The following PPM1G variants were observed in gnomAD, a reference collection of about 807,000 sequenced individuals.
PPM1G encodes protein phosphatase 1G.
A neutral mutation model predicts 59.4 loss-of-function variants in PPM1G; 12 were observed. The ratio of observed to expected loss-of-function variants is 0.20; its 90% CI spans 0.13 to 0.33. The LOEUF is 0.33. Among genes scored for constraint, PPM1G ranks in the 10% least tolerant of loss-of-function variants. The pLI, the probability that PPM1G is intolerant of heterozygous loss-of-function variation, is 1.00. For synonymous variants in PPM1G, 245 were observed against 251.9 expected (o/e 0.97, Z 0.26); for missense variants, 392 against 681.3 (o/e 0.58, Z 4.73).
intron 1 of PPM1G, among the ~76,000 whole-genome samples, chr2:27,390,022 G>A (rs1683859958): frequency 7.2e-6 from 1 of 138,018 alleles, no homozygotes; most frequent in South Asian, 2.3e-4. Flanking sequence ...CTTCATTTCA[G>A]CATCTTGTTT....
intron 1 of PPM1G, among the ~76,000 whole-genome samples, chr2:27,396,819 C>CAAAAAAAAAAAAAAA (rs771980529): frequency 8.0e-6 from 1 of 125,366 alleles, no homozygotes; most frequent in African/African-American, 3.1e-5. Flanking sequence ...CCGTCTCCAA[C>CAAAAAAAAAAAAAAA]AAAAAAAAAA....
chr2:27,398,044 T>C (rs184120424), intron 1 of PPM1G, among the ~76,000 whole-genome samples: 19 of 152,306 alleles, frequency 1.2e-4, no homozygotes, highest in Non-Finnish European at 2.5e-4. Context: ...GTGCCTTTTG[T>C]GCAGAAATTG....
rs2148420987 is a variant in PPM1G, at chr2:27,390,105, T to C, written c.121-2947A>G. On this transcript the variant is annotated intron_variant, in intron 1 of 9. Transcript: ENST00000344034. Reference sequence around the variant, plus strand: ...GATCTAGGCTCACCATATCCTCCACTTTCCAGGTTCAAGCAATTCTCCTGC... The same window carrying C: ...GATCTAGGCTCACCATATCCTCCACCTTCCAGGTTCAAGCAATTCTCCTGC... Among the ~76,000 whole-genome samples, 3 of 151,990 alleles carry C rather than the reference T, an allele frequency of 2.0e-5. No individual in the cohort carries two copies. In the Middle Eastern group the frequency reaches 0.01, roughly 517 times the overall value.
At chr2:27,399,582 G>A (rs576140228) in intron 1 of PPM1G, among the ~76,000 whole-genome samples, 1 of 152,314 alleles carries the variant, frequency 6.6e-6, no homozygotes, top group East Asian at 1.9e-4. Flanking sequence ...GCTGAGGCAG[G>A]AGAATCGCTT....
chr2:27,403,712 C>A (rs1469041774), intron 1 of PPM1G, among the ~76,000 whole-genome samples: 1 of 151,944 alleles, frequency 6.6e-6, no homozygotes, highest in East Asian at 1.9e-4. Flanking sequence ...CACAGAGAAA[C>A]CCCATCTCTA....
chr2:27,393,425 T>TCCA, intron 1 of PPM1G: 1 of 1,116,392 alleles, frequency 9.0e-7, no homozygotes, highest in Non-Finnish European at 1.3e-6. Context: ...GCGCTGGAGC[T>TCCA]GCGGCGGGGG....
rs1572660593 is a variant in PPM1G, at chr2:27,385,417, A to G, written c.410-329T>C. On this transcript the variant is annotated intron_variant, in intron 4 of 9. Coordinates refer to ENST00000344034, the MANE Select transcript of PPM1G (RefSeq NM_177983.3). The surrounding 1 kb of genome is among the most constrained non-coding windows in gnomAD (Gnocchi z 4.1). Reference sequence around the variant, plus strand: ...ACAATGCTACTGTGAATTAGGATTTAGGCTTAATGATTGGCTATTGGGGCT... The same window carrying G: ...ACAATGCTACTGTGAATTAGGATTTGGGCTTAATGATTGGCTATTGGGGCT... 42 of 422,018 alleles carry G rather than the reference A, an allele frequency of 1.0e-4. No individual in the cohort carries two copies. In the East Asian group the frequency reaches 1.7e-3, roughly 17 times the overall value. 26.1% of individuals were successfully genotyped at this position (422,018 alleles called of 1,614,324 possible). A position where few individuals can be genotyped will look rare whatever the true frequency, so the allele number is the denominator to read the frequency against.
rs1370630752 is a variant in PPM1G at position 27,409,533 on chromosome 2, G to A, written c.-111C>T. ...GAGCAGGCCCCGCGGCGCGACCGAC[G>A]CAAGGTGCCGGTGAAAGGCGCGAGG... On this transcript the variant is annotated 5_prime_UTR_variant, in exon 1 of 10. Transcript: ENST00000344034. The A allele has an allele frequency of 3.1e-6, 4 of 1,292,722 alleles. No individual in the cohort carries two copies. Among genetic ancestry groups the A allele is most frequent in the African/African-American group, 3.1e-5 (2 of 63,670 alleles). The allele number at this position is 1,292,722 out of a possible 1,614,324, so 80.1% of individuals were successfully genotyped here.
chr2:27,381,934 C>T lies in PPM1G; in HGVS notation c.1435-129G>A, dbSNP rs112234749. 1,083 of 1,025,776 alleles carry T rather than the reference C, an allele frequency of 1.1e-3. 11 individuals are homozygous for T. In the African/African-American group the frequency reaches 0.014, roughly 14 times the overall value. 63.5% of individuals were successfully genotyped at this position (1,025,776 alleles called of 1,614,324 possible). ...GGAATGGGCAAGAGGTATCACACAACGGCCCACCTGCTAGTCCATAAGGCA... is the reference window on the plus strand; with the variant it reads ...GGAATGGGCAAGAGGTATCACACAATGGCCCACCTGCTAGTCCATAAGGCA... On this transcript the variant is annotated intron_variant, in intron 9 of 9. Coordinates refer to ENST00000344034, the MANE Select transcript of PPM1G (RefSeq NM_177983.3).
In PPM1G at chr2:27,385,900, C is replaced by CT. The variant is rs776211533; in HGVS notation, c.277-22dup. On this transcript the variant is annotated intron_variant, in intron 3 of 9. Transcript: ENST00000344034. The surrounding 1 kb of genome is among the most constrained non-coding windows in gnomAD (Gnocchi z 4.1). ...AAAGCCTGAATATAAGCAAAATAGT[C>CT]TAAGACTAGTACAAAATGAACTCCC... 1.4e-4 allele frequency: 218 copies of CT among 1,605,938 alleles called. No homozygotes were observed. The highest frequency in any genetic ancestry group is 1.8e-4 in the Non-Finnish European group (209 of 1,177,880).
chr2:27,381,509 ACTG>A lies in PPM1G; in HGVS notation c.*87_*89del. On this transcript the variant is annotated 3_prime_UTR_variant, in exon 10 of 10. Transcript: ENST00000344034. ...AGCTCCCCCTGCACACCTCATACCC[ACTG>A]CTAAGGCTAAAGGAAAAAGACAAAA... The A allele has an allele frequency of 6.7e-7, 1 of 1,488,132 alleles. No individual in the cohort carries two copies. Among genetic ancestry groups the A allele is most frequent in the South Asian group, 1.2e-5 (1 of 86,010 alleles). 92.2% of individuals were successfully genotyped at this position (1,488,132 alleles called of 1,614,324 possible). A position where few individuals can be genotyped will look rare whatever the true frequency, so the allele number is the denominator to read the frequency against.
At position 27,382,768 on chromosome 2, in the gene PPM1G, C is replaced by T. The variant is rs944827835; in HGVS notation, c.1202-163G>A. ...CCTAGTTTTTCTAGTTTCAACCCTG[C>T]CACCAGACTGCTGAACCTTAAGAAA... On this transcript the variant is annotated intron_variant, in intron 7 of 9. Transcript: ENST00000344034. The surrounding 1 kb of genome is among the most constrained non-coding windows in gnomAD (Gnocchi z 4.2). Among the ~76,000 whole-genome samples the T allele has an allele frequency of 6.6e-6, 1 of 152,078 alleles. No homozygotes were observed. Among genetic ancestry groups the T allele is most frequent in the Non-Finnish European group, 1.5e-5 (1 of 68,008 alleles).
At chr2:27,393,417 G>A (rs970740642) in intron 1 of PPM1G, 26 of 1,198,154 alleles carry the variant, frequency 2.2e-5, no homozygotes, top group Admixed American at 1.5e-4. Flanking sequence ...GCTACGCGGC[G>A]CTGGAGCTGC....
Position 27,399,790 on chromosome 2 carries a change from G to A in PPM1G, c.120+9513C>T, listed in dbSNP as rs11897225. 4.1e-3 allele frequency among the ~76,000 whole-genome samples: 628 copies of A among 152,256 alleles called. 3 individuals carry two copies. Among genetic ancestry groups the A allele is most frequent in the African/African-American group, 0.011 (451 of 41,550 alleles). On this transcript the variant is annotated intron_variant, in intron 1 of 9. Coordinates refer to ENST00000344034, the MANE Select transcript of PPM1G (RefSeq NM_177983.3). ...TCATATATTGCTGGCAGGAATGTACGACGGTACAGCAACTTTGGAAAACAG... is the reference window on the plus strand; with the variant it reads ...TCATATATTGCTGGCAGGAATGTACAACGGTACAGCAACTTTGGAAAACAG...
At position 27,381,470 on chromosome 2, in the gene PPM1G, G is replaced by A; in HGVS notation, c.*129C>T. On this transcript the variant is annotated 3_prime_UTR_variant, in exon 10 of 10. Transcript: ENST00000344034. ...GGGAGAGCCCTCTTTGGAATGGGCG[G>A]AGTGAAGCCACCCAGCTCCCCCTGC... The A allele has an allele frequency of 9.6e-7, 1 of 1,040,202 alleles. No individual in the cohort carries two copies. Among genetic ancestry groups the A allele is most frequent in the Non-Finnish European group, 1.4e-6 (1 of 690,926 alleles). The allele number at this position is 1,040,202 out of a possible 1,614,324, so 64.4% of individuals were successfully genotyped here. A position where few individuals can be genotyped will look rare whatever the true frequency, so the allele number is the denominator to read the frequency against.
intron 1 of PPM1G, among the ~76,000 whole-genome samples, chr2:27,404,516 C>T (rs1663294284): frequency 1.3e-5 from 2 of 151,740 alleles, no homozygotes; most frequent in Non-Finnish European, 2.9e-5. Context: ...AGCCACTACA[C>T]TCCAGCCCGG....
chr2:27,395,234 A>C, intron 1 of PPM1G, among the ~76,000 whole-genome samples: 1 of 134,156 alleles, frequency 7.5e-6, no homozygotes, highest in Non-Finnish European at 1.6e-5. Flanking sequence ...ACTCTGTCTC[A>C]AAAAAAAAAA....
Position 27,385,896 on chromosome 2 carries a change from T to C in PPM1G, c.277-17A>G, listed in dbSNP as rs1683752485. 1 of 1,608,888 alleles carries C rather than the reference T, an allele frequency of 6.2e-7. No homozygotes were observed. Among genetic ancestry groups the C allele is most frequent in the Non-Finnish European group, 8.5e-7 (1 of 1,178,648 alleles). The stretch of plus-strand genomic sequence containing the variant: ...TTCTAAAGCCTGAATATAAGCAAAA[T>C]AGTCTAAGACTAGTACAAAATGAAC... On this transcript the variant is annotated splice_polypyrimidine_tract_variant and intron_variant, in intron 3 of 9. Coordinates refer to ENST00000344034, the MANE Select transcript of PPM1G (RefSeq NM_177983.3). The surrounding 1 kb of genome is among the most constrained non-coding windows in gnomAD (Gnocchi z 4.1).
Position 27,381,441 on chromosome 2 carries a change from TG to T in PPM1G, c.*157del. 1.3e-6 allele frequency: 1 copy of T among 751,474 alleles called. No homozygotes were observed. The highest frequency in any genetic ancestry group is 2.2e-6 in the Non-Finnish European group (1 of 452,476). 46.6% of individuals were successfully genotyped at this position (751,474 alleles called of 1,614,324 possible). ...ACAGCAGAGGCTCCCGGCTGCAGTG[TG>T]GAGGGAGAGCCCTCTTTGGAATGGG... On this transcript the variant is annotated 3_prime_UTR_variant, in exon 10 of 10. Transcript: ENST00000344034.
Sources: allele counts gnomAD v4.1 joint callset (sites outside exome capture counted in the v4.1 genomes callset), GRCh38; gene constraint gnomAD v4.1.1; non-coding constraint Gnocchi (gnomAD v3.1); transcripts MANE v1.5; gene names NCBI Gene and HGNC (gene_info 2026-07-23, HGNC 2026-07-21).